The following TRPM3 variants were observed in gnomAD, a reference collection of about 807,000 sequenced individuals.
TRPM3 encodes the protein transient receptor potential cation channel subfamily M member 3, also known as long transient receptor potential channel 3.
Under a neutral mutation model 181.2 loss-of-function variants are expected in TRPM3, and 77 were observed. That is an observed-to-expected ratio of 0.42 (90% CI 0.35 to 0.51). The LOEUF is 0.51. TRPM3 is among the 20% of genes least tolerant of loss of function. The probability of loss-of-function intolerance (pLI) is 0.01; values close to 1 mark genes in which losing one functional copy is unlikely to be tolerated. For synonymous variants in TRPM3, 745 were observed against 796.4 expected (o/e 0.94, Z 1.09); for missense variants, 1,759 against 2,196.7 (o/e 0.80, Z 3.98).
rs576652932 is a variant in TRPM3, at chr9:70,532,822, A to T, written c.*3131T>A. ...AACTGCTTAATTCACAAAGACAGGT[A>T]ATTAACGTCCCCTCGATCAGGGATG... is the stretch of plus-strand genomic sequence containing the variant. On this transcript the variant is annotated 3_prime_UTR_variant, in exon 26 of 26. Coordinates refer to ENST00000677713, the MANE Select transcript of TRPM3 (RefSeq NM_001366145.2). 7.3e-4 allele frequency: 111 copies of T among 152,312 alleles called. 2 individuals carry two copies. The highest frequency in any genetic ancestry group is 7.1e-3 in the Admixed American group (109 of 15,292). The allele number at this position is 152,312 out of a possible 1,614,324, so 9.4% of individuals were successfully genotyped here.
intron 1 of TRPM3, among the ~76,000 whole-genome samples, chr9:71,188,652 G>A (rs974821574): frequency 6.6e-5 from 10 of 151,780 alleles, no homozygotes; most frequent in Non-Finnish European, 1.5e-4. Flanking sequence ...ATTACCTACT[G>A]CCCTAAGGCA....
intron 1 of TRPM3, among the ~76,000 whole-genome samples, chr9:71,071,939 C>T (rs935903534): frequency 1.3e-5 from 2 of 152,126 alleles, no homozygotes; most frequent in Non-Finnish European, 2.9e-5. Context: ...CAGAAGTCCT[C>T]TTAGTGCCAG....
intron 1 of TRPM3, among the ~76,000 whole-genome samples, chr9:71,302,032 T>C (rs757981198): frequency 1.3e-5 from 2 of 152,142 alleles, no homozygotes; most frequent in Non-Finnish European, 2.9e-5. Flanking sequence ...TACAGGTAAT[T>C]TCCATAGCTT....
chr9:71,213,457 G>A (rs567413374), intron 1 of TRPM3, among the ~76,000 whole-genome samples: 2 of 152,034 alleles, frequency 1.3e-5, no homozygotes, highest in Non-Finnish European at 2.9e-5. Flanking sequence ...GAACAAATAT[G>A]TTTTGAAAAC....
chr9:71,178,983 C>T (rs1233028781), intron 1 of TRPM3, among the ~76,000 whole-genome samples: 1 of 152,082 alleles, frequency 6.6e-6, no homozygotes, highest in Admixed American at 6.6e-5. Context: ...ATATTTTTAA[C>T]ATTTTAAAGA....
At chr9:70,869,695 C>A (rs930738270) in intron 1 of TRPM3, among the ~76,000 whole-genome samples, 1 of 151,868 alleles carries the variant, frequency 6.6e-6, no homozygotes, top group Non-Finnish European at 1.5e-5. Flanking sequence ...ATCCTGCTGC[C>A]CCTCTAGCAA....
chr9:71,407,247 T>A (rs2093453989), intron 1 of TRPM3, among the ~76,000 whole-genome samples: 1 of 152,036 alleles, frequency 6.6e-6, no homozygotes, highest in African/African-American at 2.4e-5. Flanking sequence ...GTGCAGCCCA[T>A]GAAGTGTGAG....
Position 70,864,495 on chromosome 9 carries a change from A to C in TRPM3, c.194T>G (p.Ile65Arg), listed in dbSNP as rs756631977. 3 of 1,434,262 alleles carry C rather than the reference A, an allele frequency of 2.1e-6. No homozygotes were observed. In the African/African-American group the frequency reaches 4.7e-5, roughly 22 times the overall value. 88.8% of individuals were successfully genotyped at this position (1,434,262 alleles called of 1,614,324 possible). A position where few individuals can be genotyped will look rare whatever the true frequency, so the allele number is the denominator to read the frequency against. ...VRLLKAQKSW[I>R]ERAFYKRECV... ...TTCTCTTTTATAAAATGCTCTTTCT[A>C]TCCAGGATTTCTGAGCCTGAAAAAG... Residue 65 changes from isoleucine to arginine, a missense_variant, in exon 2 of 26, where the codon ATA becomes AGA. Transcript: ENST00000677713.
intron 1 of TRPM3, among the ~76,000 whole-genome samples, chr9:71,387,824 C>T (rs962017129): frequency 6.6e-6 from 1 of 152,024 alleles, no homozygotes; most frequent in African/African-American, 2.4e-5. Flanking sequence ...CTACTAACAT[C>T]AAAATAAATA....
intron 1 of TRPM3, among the ~76,000 whole-genome samples, chr9:71,007,998 GA>G (rs961081232): frequency 6.6e-6 from 1 of 151,772 alleles, no homozygotes; most frequent in African/African-American, 2.4e-5. Flanking sequence ...TGCATTTTTT[GA>G]AAAGATAAAT....
rs2041922519 is a variant in TRPM3 at position 70,536,953 on chromosome 9, T to C, written c.4160A>G (p.Lys1387Arg). Residue 1387 changes from lysine (K) to arginine (R), a missense_variant, in exon 26 of 26, where the codon AAA (lysine) becomes AGA (arginine). Transcript: ENST00000677713. ...HRATSSHSVA[K>R]EPKAPAAPAN... Reference sequence around the variant, plus strand: ...AGGGGCTGCAGGAGCTTTGGGTTCTTTTGCTACAGAGTGGGAACTAGTAGC... The same window carrying C: ...AGGGGCTGCAGGAGCTTTGGGTTCTCTTGCTACAGAGTGGGAACTAGTAGC... 6.8e-6 allele frequency: 11 copies of C among 1,614,154 alleles called. No individual in the cohort carries two copies. Among genetic ancestry groups the C allele is most frequent in the Non-Finnish European group, 9.3e-6 (11 of 1,179,992 alleles).
intron 1 of TRPM3, among the ~76,000 whole-genome samples, chr9:71,268,167 G>A (rs1380244358): frequency 6.6e-6 from 1 of 152,104 alleles, no homozygotes; most frequent in African/African-American, 2.4e-5. Context: ...GACCACATGA[G>A]GTCAGGAGTT....
chr9:71,439,062 C>T (rs913370764), intron 1 of TRPM3, among the ~76,000 whole-genome samples: 9 of 151,908 alleles, frequency 5.9e-5, no homozygotes, highest in Admixed American at 1.3e-4. Context: ...ATATTTTAGC[C>T]CCAAGAATGT....
intron 1 of TRPM3, among the ~76,000 whole-genome samples, chr9:71,133,973 TTGTG>T (rs72198070): frequency 0.088 from 13,065 of 148,372 alleles, 619 homozygotes; most frequent in Non-Finnish European, 0.11. Flanking sequence ...CTGTGTGTGT[TTGTG>T]TGTGTGTGTG....
At chr9:71,011,080 T>C (rs644501) in intron 1 of TRPM3, among the ~76,000 whole-genome samples, 34,639 of 152,036 alleles carry the variant, frequency 0.23, 4,699 homozygotes, top group East Asian at 0.34. Flanking sequence ...ACACTACATG[T>C]TCTCACTCAT....
intron 1 of TRPM3, among the ~76,000 whole-genome samples, chr9:71,206,425 C>A (rs543622224): frequency 4.5e-4 from 69 of 152,016 alleles, no homozygotes; most frequent in African/African-American, 1.6e-3. Context: ...ATCCTTCACC[C>A]ACTTTTTGAT....
In TRPM3 at chr9:70,843,117, A is replaced by G. The variant is rs763433335; in HGVS notation, c.687T>C (p.Arg229=). Residue 229 remains arginine, a synonymous_variant, in exon 5 of 26, where the codon CGT becomes CGC. Coordinates refer to ENST00000677713, the MANE Select transcript of TRPM3 (RefSeq NM_001366145.2). ...FTGGVNTGVI[R]HVGDALKDHA... ...GATCCTTCAAGGCATCGCCAACATG[A>G]CGAATAACACCTAAAAAAAAAAGAG... 1.3e-6 allele frequency: 2 copies of G among 1,557,944 alleles called. No homozygotes were observed. Among genetic ancestry groups the G allele is most frequent in the South Asian group, 2.3e-5 (2 of 86,992 alleles).
chr9:70,539,066 AAT>A (rs1416662497), intron 25 of TRPM3, among the ~76,000 whole-genome samples: 1 of 152,216 alleles, frequency 6.6e-6, no homozygotes, highest in Non-Finnish European at 1.5e-5. Context: ...CAATCCTTCC[AAT>A]ATGCAAAGTA....
intron 7 of TRPM3, chr9:70,775,944 T>C (rs2081277186): frequency 6.5e-6 from 1 of 152,852 alleles, no homozygotes; most frequent in Non-Finnish European, 1.5e-5. Flanking sequence ...ACTCACATAC[T>C]TTCATTTTAT....
Sources: allele counts gnomAD v4.1 joint callset (sites outside exome capture counted in the v4.1 genomes callset), GRCh38; gene constraint gnomAD v4.1.1; transcripts MANE v1.5; gene names NCBI Gene and HGNC (gene_info 2026-07-23, HGNC 2026-07-21).